The following YARS1 variants were observed in gnomAD, a reference collection of about 807,000 sequenced individuals.
The protein encoded by YARS1 is tyrosyl-tRNA synthetase 1.
YARS1 carries 36 observed loss-of-function variants against 62.2 expected under a neutral mutation model. The observed-to-expected ratio is 0.58, with a 90% confidence interval of 0.44 to 0.76. The LOEUF (loss-of-function observed/expected upper bound fraction) is 0.76. Ranked by LOEUF, YARS1 falls within the 30% of genes least tolerant of loss-of-function variation. The pLI, the probability that YARS1 is intolerant of heterozygous loss-of-function variation, is 0.00. For missense variants in YARS1, 524 were observed against 639.8 expected (o/e 0.82, Z 1.95); for synonymous variants, 234 against 244.9 (o/e 0.96, Z 0.42).
intron 4 of YARS1, among the ~76,000 whole-genome samples, chr1:32,801,582 A>C (rs986901466): frequency 1.3e-5 from 2 of 151,950 alleles, no homozygotes. Flanking sequence ...AATTCCCTAA[A>C]ATAAGACAAC....
chr1:32,782,332 C>T, intron 9 of YARS1, 72 bp downstream of exon 9: 3 of 1,612,448 alleles, frequency 1.9e-6, no homozygotes, highest in South Asian at 2.2e-5. Context: ...CAATTTAAGA[C>T]AGGCATTTTT....
At chr1:32,812,904 G>A (rs558968889) in intron 1 of YARS1, among the ~76,000 whole-genome samples, 4 of 147,922 alleles carry the variant, frequency 2.7e-5, no homozygotes, top group African/African-American at 1.0e-4. Flanking sequence ...GAAGGTGGAG[G>A]TTGCAGTGAG....
chr1:32,782,296 T>A, intron 9 of YARS1, 108 bp downstream of exon 9: 2 of 1,583,596 alleles, frequency 1.3e-6, no homozygotes, highest in Admixed American at 1.7e-5. Flanking sequence ...TTCCTGCACT[T>A]CAGACCCCCT....
chr1:32,811,159 G>T, intron 1 of YARS1, 102 bp from the exon 2 acceptor site: 2 of 1,562,150 alleles, frequency 1.3e-6, no homozygotes, highest in Non-Finnish European at 8.8e-7. Flanking sequence ...TGGAGATCCA[G>T]GCTCAGAGCC....
intron 5 of YARS1, among the ~76,000 whole-genome samples, chr1:32,796,153 G>A (rs1168602740): frequency 6.6e-6 from 1 of 151,756 alleles, no homozygotes; most frequent in Admixed American, 6.6e-5. Flanking sequence ...AAATTAGCCG[G>A]GTGTGGTGGC....
At chr1:32,794,447 T>A (rs1033825544) in intron 5 of YARS1, among the ~76,000 whole-genome samples, 2 of 152,156 alleles carry the variant, frequency 1.3e-5, no homozygotes, top group Non-Finnish European at 2.9e-5. Context: ...TGGAGTGCAA[T>A]GGTGCGATCT....
intron 3 of YARS1, 60 bp from the exon 4 acceptor site, chr1:32,806,671 G>A: frequency 6.2e-7 from 1 of 1,611,246 alleles, no homozygotes; most frequent in Non-Finnish European, 8.5e-7. Context: ...AGTTTCCTAG[G>A]AAATCTAAAG....
chr1:32,782,174 A>T, intron 9 of YARS1: 1 of 624,620 alleles, frequency 1.6e-6, no homozygotes, highest in Non-Finnish European at 2.8e-6. Context: ...TACATCTTAC[A>T]CCAGCAGCTC....
At chr1:32,803,500 T>C (rs1638359578) in intron 4 of YARS1, among the ~76,000 whole-genome samples, 1 of 152,164 alleles carries the variant, frequency 6.6e-6, no homozygotes, top group Non-Finnish European at 1.5e-5. Flanking sequence ...CAACTTCAAG[T>C]CACCAGCTGC....
intron 9 of YARS1, 47 bp from the exon 10 acceptor site, chr1:32,781,192 G>A: frequency 6.7e-7 from 1 of 1,493,558 alleles, no homozygotes; most frequent in Non-Finnish European, 9.3e-7. Flanking sequence ...CCCTGTGGCA[G>A]GTCAGCTGCT....
chr1:32,789,577 T>C (rs939074707), intron 6 of YARS1, among the ~76,000 whole-genome samples: 1 of 152,026 alleles, frequency 6.6e-6, no homozygotes, highest in Non-Finnish European at 1.5e-5. Flanking sequence ...TCTCTTGGGA[T>C]TGGGCCAGGC....
chr1:32,815,516 T>C (rs6677618), intron 1 of YARS1, among the ~76,000 whole-genome samples: 102,386 of 147,314 alleles, frequency 0.7, 34,708 homozygotes, highest in East Asian at 0.79. Context: ...GTAAATGGAA[T>C]AACCCAAATG....
intron 3 of YARS1, among the ~76,000 whole-genome samples, 159 bp downstream of exon 3, chr1:32,810,432 C>A (rs1638558702): frequency 6.6e-6 from 1 of 152,122 alleles, no homozygotes; most frequent in Non-Finnish European, 1.5e-5. Flanking sequence ...GGATGAATTA[C>A]AAGGACAATG....
rs1652841944 is a variant in YARS1, at chr1:32,775,953, GGAA to G, written c.*25_*27del. The G allele has an allele frequency of 6.4e-7, 1 of 1,572,284 alleles. No individual in the cohort carries two copies. The highest frequency in any genetic ancestry group is 1.3e-5 in the African/African-American group (1 of 74,092). On this transcript the variant is annotated 3_prime_UTR_variant, in exon 13 of 13. Transcript: ENST00000373477. ...AAGAGACAGCAGATGACTCAGTGGTGGAAGAAGGGGGGAAGATGCTGGGCTGGC... is the reference window on the plus strand; with the variant it reads ...AAGAGACAGCAGATGACTCAGTGGTGGAAGGGGGGAAGATGCTGGGCTGGC...
At position 32,775,947 on chromosome 1, in the gene YARS1, A is replaced by T. The variant is rs751669673; in HGVS notation, c.*34T>A. On this transcript the variant is annotated 3_prime_UTR_variant, in exon 13 of 13. Transcript: ENST00000373477. ...AGACTGAAGAGACAGCAGATGACTC[A>T]GTGGTGGAAGAAGGGGGGAAGATGC... The T allele has an allele frequency of 1.3e-6, 2 of 1,542,584 alleles. No individual in the cohort carries two copies. The highest frequency in any genetic ancestry group is 2.2e-5 in the South Asian group (2 of 89,520).
At chr1:32,778,736 C>CTTTTCT (rs1355930577) in intron 12 of YARS1, among the ~76,000 whole-genome samples, 5 of 120,070 alleles carry the variant, frequency 4.2e-5, no homozygotes, top group Non-Finnish European at 8.6e-5. Flanking sequence ...CTTTTCTTTT[C>CTTTTCT]TTTTTTTTTT....
At position 32,807,670 on chromosome 1, in the gene YARS1, C is replaced by G. The variant is rs144902349; in HGVS notation, c.381-1059G>C. On this transcript the variant is annotated intron_variant, in intron 3 of 12. Transcript: ENST00000373477. ...ACGTGGTTTCCCCCCATTGCCCAGG[C>G]TGGTCTGGAACTGCTGGGCTCGAGC... Among the ~76,000 whole-genome samples, 1,300 of 152,198 alleles carry G rather than the reference C, an allele frequency of 8.5e-3. 15 individuals carry two copies. Among genetic ancestry groups the G allele is most frequent in the Non-Finnish European group, 0.013 (905 of 67,994 alleles).
intron 10 of YARS1, 89 bp from the exon 11 acceptor site, chr1:32,780,367 A>T: frequency 6.7e-7 from 1 of 1,498,042 alleles, no homozygotes; most frequent in Admixed American, 1.7e-5. Context: ...AGGAGCATCC[A>T]CTCCTTACAG....
chr1:32,782,562 G>A (rs776303080), intron 8 of YARS1, 23 bp from the exon 9 acceptor site: 9 of 1,613,970 alleles, frequency 5.6e-6, no homozygotes, highest in Middle Eastern at 1.6e-4. Flanking sequence ...ACAAGACCTA[G>A]TGAGATAAAG....
Sources: allele counts gnomAD v4.1 joint callset (sites outside exome capture counted in the v4.1 genomes callset), GRCh38; gene constraint gnomAD v4.1.1; transcripts MANE v1.5; gene names NCBI Gene and HGNC (gene_info 2026-07-23, HGNC 2026-07-21).